Variants in RBFOX1 observed in about 807,000 individuals in gnomAD.
The protein encoded by RBFOX1 is RNA binding fox-1 homolog 1.
Under a neutral mutation model 57.7 loss-of-function variants are expected in RBFOX1, and 8 were observed. The ratio of observed to expected loss-of-function variants is 0.14; its 90% CI spans 0.08 to 0.25. The LOEUF is 0.25. RBFOX1 is among the 10% of genes least tolerant of loss of function. The pLI is 1.00. For missense variants in RBFOX1, 611 were observed against 548.5 expected (o/e 1.11, Z -1.14); for synonymous variants, 326 against 222.4 (o/e 1.47, Z -4.15).
intron 4 of RBFOX1, among the ~76,000 whole-genome samples, chr16:5,984,978 T>TATATATATATATATATATA (rs1567221832): frequency 1.9e-5 from 1 of 51,592 alleles, no homozygotes; most frequent in African/African-American, 8.8e-5. Flanking sequence ...ATATATATAT[T>TATATATATATATATATATA]TTTTTTTTTT....
At chr16:7,442,648 G>C (rs1288827189) in intron 4 of RBFOX1, among the ~76,000 whole-genome samples, 3 of 152,110 alleles carry the variant, frequency 2.0e-5, no homozygotes, top group Admixed American at 6.5e-5. Flanking sequence ...ATTTGCACTG[G>C]TTTTATGAGA....
intron 4 of RBFOX1, among the ~76,000 whole-genome samples, chr16:7,069,696 G>T (rs760104455): frequency 2.0e-5 from 3 of 152,236 alleles, no homozygotes. Context: ...TTCCTCATGC[G>T]CTAGAGTAAG....
At position 6,514,314 on chromosome 16, in the gene RBFOX1, G is replaced by A. The variant is rs1222939302; in HGVS notation, c.-63-140289G>A. ...CATATTCATCTGAATCTGGCTTCCC[G>A]AGAGTCTCTGTAGTATGGCGTGGAG... On this transcript the variant is annotated intron_variant, in intron 2 of 15. Transcript: ENST00000550418. Among the ~76,000 whole-genome samples, 3 of 152,016 alleles carry A rather than the reference G, an allele frequency of 2.0e-5. No individual in the cohort carries two copies. In the East Asian group the frequency reaches 5.8e-4, roughly 29 times the overall value.
chr16:6,173,706 T>C (rs1238973897), intron 1 of RBFOX1, among the ~76,000 whole-genome samples: 1 of 142,144 alleles, frequency 7.0e-6, no homozygotes, highest in East Asian at 2.4e-4. Context: ...GCCTCTCGGG[T>C]TCAAGTGATT....
chr16:7,635,814 A>T (rs540460877), intron 11 of RBFOX1, among the ~76,000 whole-genome samples: 11 of 151,830 alleles, frequency 7.2e-5, no homozygotes, highest in Non-Finnish European at 1.3e-4. Context: ...TTATTTATTT[A>T]TTTTTTTATT....
At chr16:5,886,946 G>C (rs1011155606) in intron 4 of RBFOX1, among the ~76,000 whole-genome samples, 5 of 152,246 alleles carry the variant, frequency 3.3e-5, no homozygotes, top group African/African-American at 4.8e-5. Flanking sequence ...CATTCCCTTA[G>C]ACCAGTTTCT....
intron 3 of RBFOX1, among the ~76,000 whole-genome samples, chr16:5,833,002 A>C (rs1044486130): frequency 6.6e-6 from 1 of 152,152 alleles, no homozygotes; most frequent in Non-Finnish European, 1.5e-5. Flanking sequence ...AATCAGGTGA[A>C]AGCCACCAAC....
intron 4 of RBFOX1, among the ~76,000 whole-genome samples, chr16:7,516,490 A>T (rs1311897515): frequency 6.6e-6 from 1 of 152,236 alleles, no homozygotes; most frequent in Non-Finnish European, 1.5e-5. Context: ...GAGTGGAGAC[A>T]GACCAGCAGT....
At chr16:6,178,880 C>G (rs1256926842) in intron 1 of RBFOX1, among the ~76,000 whole-genome samples, 2 of 152,178 alleles carry the variant, frequency 1.3e-5, no homozygotes, top group South Asian at 2.1e-4. Flanking sequence ...TCCTAAACAG[C>G]CACCAGCTCC....
At chr16:6,269,397 C>G (rs554584603) in intron 1 of RBFOX1, among the ~76,000 whole-genome samples, 1 of 152,090 alleles carries the variant, frequency 6.6e-6, no homozygotes, top group Non-Finnish European at 1.5e-5. Flanking sequence ...TGAGTAAATC[C>G]CAAGTCAGAT....
chr16:5,396,173 T>C (rs796466501), intron 1 of RBFOX1, among the ~76,000 whole-genome samples: 6 of 152,228 alleles, frequency 3.9e-5, no homozygotes, highest in Admixed American at 6.5e-5. Flanking sequence ...TTAATACTTA[T>C]GCTAAATAGG....
chr16:5,315,104 A>G (rs1306163967), intron 1 of RBFOX1, among the ~76,000 whole-genome samples: 1 of 152,174 alleles, frequency 6.6e-6, no homozygotes, highest in Non-Finnish European at 1.5e-5. Context: ...CTTATGAATC[A>G]TGATGGAACC....
At chr16:5,979,755 C>T (rs949908020) in intron 4 of RBFOX1, among the ~76,000 whole-genome samples, 14 of 152,050 alleles carry the variant, frequency 9.2e-5, no homozygotes, top group East Asian at 1.9e-4. Flanking sequence ...CCAGCTGCTC[C>T]GGAGGCTGAG....
downstream of RBFOX1, among the ~76,000 whole-genome samples, chr16:5,600,538 A>G (rs1277322821): frequency 6.6e-6 from 1 of 150,380 alleles, no homozygotes; most frequent in Non-Finnish European, 1.5e-5. Context: ...CTTGTCCATG[A>G]GTGTGCTCTG....
intron 2 of RBFOX1, among the ~76,000 whole-genome samples, chr16:6,502,215 A>C (rs992163454): frequency 2.0e-5 from 3 of 152,174 alleles, no homozygotes; most frequent in African/African-American, 7.2e-5. Context: ...ATGGGGAGCT[A>C]TGCAGATCCA....
intron 2 of RBFOX1, among the ~76,000 whole-genome samples, chr16:6,623,510 T>G (rs187517889): frequency 6.6e-6 from 1 of 151,970 alleles, no homozygotes; most frequent in African/African-American, 2.4e-5. Context: ...TAGTTACATA[T>G]GCATACGTTT....
At chr16:5,347,419 G>A (rs918247963) in intron 1 of RBFOX1, among the ~76,000 whole-genome samples, 1 of 152,122 alleles carries the variant, frequency 6.6e-6, no homozygotes, top group East Asian at 1.9e-4. Flanking sequence ...GTCAGGTGGT[G>A]TACAAGATGC....
intron 3 of RBFOX1, among the ~76,000 whole-genome samples, chr16:5,782,306 A>G (rs1487860730): frequency 2.0e-5 from 3 of 152,206 alleles, no homozygotes; most frequent in Non-Finnish European, 2.9e-5. Context: ...GCATTTCACA[A>G]TGACATCTTG....
At chr16:5,531,251 C>A (rs1042339337) in intron 2 of RBFOX1, among the ~76,000 whole-genome samples, 7 of 152,086 alleles carry the variant, frequency 4.6e-5, no homozygotes, top group Non-Finnish European at 7.4e-5. Context: ...GGTTGTGGCT[C>A]CAGCAAAGGG....
Sources: allele counts gnomAD v4.1 joint callset (sites outside exome capture counted in the v4.1 genomes callset), GRCh38; gene constraint gnomAD v4.1.1; transcripts MANE v1.5; gene names NCBI Gene and HGNC (gene_info 2026-07-23, HGNC 2026-07-21).